DPP10: variants seen among roughly 807,000 people sequenced by gnomAD.
The protein encoded by DPP10 is dipeptidyl peptidase like 10.
A neutral mutation model predicts 120.9 loss-of-function variants in DPP10; 33 were observed. The ratio of observed to expected loss-of-function variants is 0.27; its 90% CI spans 0.21 to 0.37. DPP10 has a LOEUF of 0.37. Among genes scored for constraint, DPP10 ranks in the 10% least tolerant of loss-of-function variants. The pLI is 1.00. For synonymous variants in DPP10, 337 were observed against 326.1 expected (o/e 1.03, Z -0.36); for missense variants, 816 against 942.8 (o/e 0.87, Z 1.76).
At chr2:115,498,228 C>A (rs1003953083) in intron 3 of DPP10, among the ~76,000 whole-genome samples, 3 of 152,060 alleles carry the variant, frequency 2.0e-5, no homozygotes, top group African/African-American at 7.2e-5. Context: ...ACAGGAGAGT[C>A]ATATTGGACT....
intron 1 of DPP10, among the ~76,000 whole-genome samples, chr2:114,762,526 T>G (rs1680370440): frequency 6.6e-6 from 1 of 152,184 alleles, no homozygotes; most frequent in South Asian, 2.1e-4. Flanking sequence ...TAAATGCTTT[T>G]GAGTAGTCCC....
At chr2:115,239,595 A>G (rs1233970887) in intron 1 of DPP10, among the ~76,000 whole-genome samples, 1 of 152,170 alleles carries the variant, frequency 6.6e-6, no homozygotes. Context: ...CCACAGTATA[A>G]TATAAACATA....
intron 1 of DPP10, among the ~76,000 whole-genome samples, chr2:115,098,908 A>G (rs1573607997): frequency 6.6e-6 from 1 of 152,188 alleles, no homozygotes; most frequent in Admixed American, 6.5e-5. Context: ...CTTAGTCATC[A>G]TAAACTTCTC....
At chr2:115,600,249 G>T (rs1397319211) in intron 5 of DPP10, among the ~76,000 whole-genome samples, 2 of 151,914 alleles carry the variant, frequency 1.3e-5, no homozygotes, top group Admixed American at 6.6e-5. Context: ...TTGTGTTTTT[G>T]ATTTTATCCA....
intron 1 of DPP10, among the ~76,000 whole-genome samples, chr2:115,195,480 C>A (rs937916833): frequency 1.3e-5 from 2 of 152,088 alleles, no homozygotes; most frequent in African/African-American, 4.8e-5. Context: ...AAAATCTGTC[C>A]AGCTATTCTC....
intron 1 of DPP10, among the ~76,000 whole-genome samples, chr2:114,663,668 T>TATATATAGAGAGAGAGAGAG: frequency 4.2e-4 from 34 of 80,696 alleles, no homozygotes; most frequent in African/African-American, 1.9e-3. Context: ...TATATATATA[T>TATATATAGAGAGAGAGAGAG]AGAGAGAGAG....
intron 1 of DPP10, among the ~76,000 whole-genome samples, chr2:114,986,307 A>G (rs2104892401): frequency 6.6e-6 from 1 of 152,364 alleles, no homozygotes; most frequent in East Asian, 1.9e-4. Flanking sequence ...ATTATTTCTA[A>G]GTGCAGGTTT....
At chr2:114,644,651 C>T (rs551330702) in intron 1 of DPP10, among the ~76,000 whole-genome samples, 1 of 151,874 alleles carries the variant, frequency 6.6e-6, no homozygotes, top group Non-Finnish European at 1.5e-5. Context: ...ACATTTTCAG[C>T]CTTTAGAAAA....
In DPP10 at chr2:115,483,280, T is replaced by TA. The variant is rs1416478877; in HGVS notation, c.272-16224dup. On this transcript the variant is annotated intron_variant, in intron 3 of 25. Coordinates refer to ENST00000410059, the MANE Select transcript of DPP10 (RefSeq NM_020868.6). ...ACTTATTTTGGACATGTAGGATTTT[T>TA]AAAAAATTATTTCAGATGACAAAAG... is the stretch of plus-strand genomic sequence containing the variant. Among the ~76,000 whole-genome samples, 5 of 152,216 alleles carry TA rather than the reference T, an allele frequency of 3.3e-5. No homozygotes were observed. The East Asian group carries it at 7.7e-4, about 24-fold the overall frequency.
intron 1 of DPP10, among the ~76,000 whole-genome samples, chr2:114,682,003 A>C (rs1313056565): frequency 1.3e-5 from 2 of 151,974 alleles, no homozygotes; most frequent in South Asian, 2.1e-4. Context: ...AGCTCAGAAG[A>C]GATGAGTTAA....
chr2:114,998,426 T>C (rs900580955), intron 1 of DPP10, among the ~76,000 whole-genome samples: 10 of 152,194 alleles, frequency 6.6e-5, no homozygotes, highest in Admixed American at 5.9e-4. Context: ...TTAGGCAGTA[T>C]GCATTTAGTT....
At chr2:114,954,979 C>T (rs747599728) in intron 1 of DPP10, among the ~76,000 whole-genome samples, 1 of 152,112 alleles carries the variant, frequency 6.6e-6, no homozygotes, top group Non-Finnish European at 1.5e-5. Context: ...AAATGTCCAT[C>T]AAAGAAAAGC....
intron 1 of DPP10, among the ~76,000 whole-genome samples, chr2:114,631,100 G>C (rs972706267): frequency 6.6e-6 from 1 of 152,098 alleles, no homozygotes; most frequent in African/African-American, 2.4e-5. Flanking sequence ...ATGTTTTTTA[G>C]GGACCAAATG....
chr2:114,715,903 T>A (rs1374142131), intron 1 of DPP10, among the ~76,000 whole-genome samples: 1 of 151,970 alleles, frequency 6.6e-6, no homozygotes, highest in African/African-American at 2.4e-5. Flanking sequence ...ATAATAAATA[T>A]GAGCGAGTGA....
chr2:115,229,213 A>T (rs2057604111), intron 1 of DPP10, among the ~76,000 whole-genome samples: 2 of 151,996 alleles, frequency 1.3e-5, no homozygotes, highest in Non-Finnish European at 2.9e-5. Context: ...CCCATTTTTA[A>T]TTGCATTATT....
In DPP10 at chr2:115,286,530, T is replaced by TATATATATATA. The variant is rs1559366968; in HGVS notation, c.61-22707_61-22697dup. 1.3e-4 allele frequency among the ~76,000 whole-genome samples: 15 copies of TATATATATATA among 114,548 alleles called. 1 individual carries two copies. The highest frequency in any genetic ancestry group is 2.8e-4 in the Admixed American group (3 of 10,802). The allele number at this position is 114,548 out of a possible 152,430, so 75.1% of individuals were successfully genotyped here. On this transcript the variant is annotated intron_variant, in intron 1 of 25. Transcript: ENST00000410059. ...ACATATATAATATATATATATAATA[T>TATATATATATA]ATATATATATAAAATATATACAGAA...
chr2:114,942,317 A>ATATATATATATATATATATATG, intron 1 of DPP10, among the ~76,000 whole-genome samples: 1 of 125,174 alleles, frequency 8.0e-6, no homozygotes, highest in African/African-American at 3.0e-5. Context: ...ATATATATAT[A>ATATATATATATATATATATATG]TATACACACA....
chr2:115,281,858 T>C (rs2060170257), intron 1 of DPP10, among the ~76,000 whole-genome samples: 1 of 152,124 alleles, frequency 6.6e-6, no homozygotes, highest in South Asian at 2.1e-4. Flanking sequence ...GGTGTATTTA[T>C]AATAAAATAT....
intron 5 of DPP10, among the ~76,000 whole-genome samples, chr2:115,658,973 C>T (rs2088654262): frequency 1.3e-5 from 2 of 152,092 alleles, no homozygotes; most frequent in African/African-American, 2.4e-5. Flanking sequence ...GTGTTGGAAA[C>T]TTAATCCCGA....
Sources: allele counts gnomAD v4.1 joint callset (sites outside exome capture counted in the v4.1 genomes callset), GRCh38; gene constraint gnomAD v4.1.1; transcripts MANE v1.5; gene names NCBI Gene and HGNC (gene_info 2026-07-23, HGNC 2026-07-21).